The following PRICKLE2 variants were observed in gnomAD, a reference collection of about 807,000 sequenced individuals.
The protein encoded by PRICKLE2 is prickle-like protein 2.
A neutral mutation model predicts 81.4 loss-of-function variants in PRICKLE2; 21 were observed. That is an observed-to-expected ratio of 0.26 (90% confidence interval 0.18 to 0.37). The LOEUF is 0.37. PRICKLE2 is among the 10% of genes least tolerant of loss of function. The pLI, the probability that PRICKLE2 is intolerant of heterozygous loss-of-function variation, is 1.00. For synonymous variants in PRICKLE2, 456 were observed against 421.5 expected, an observed-to-expected ratio of 1.08 and a Z score of -1.00; for missense variants, 940 against 1,109.0, an observed-to-expected ratio of 0.85 and a Z score of 2.16.
At chr3:64,216,077 C>CATT (rs2078867576) in intron 1 of PRICKLE2, among the ~76,000 whole-genome samples, 1 of 152,242 alleles carries the variant, frequency 6.6e-6, no homozygotes, top group Non-Finnish European at 1.5e-5. Flanking sequence ...CAGGGTTTAA[C>CATT]ATTAGCTCCT....
intron 7 of PRICKLE2, chr3:64,101,787 C>A (rs566411102): frequency 2.0e-5 from 3 of 152,264 alleles, no homozygotes; most frequent in South Asian, 4.2e-4. Flanking sequence ...ACACAAGAAT[C>A]AAAAAGTGTG....
intron 2 of PRICKLE2, among the ~76,000 whole-genome samples, chr3:64,179,912 T>C (rs1238923825): frequency 6.6e-6 from 1 of 152,192 alleles, no homozygotes; most frequent in East Asian, 1.9e-4. Flanking sequence ...CTCCCAAAAC[T>C]AGTCAAAGGA....
chr3:64,208,405 T>C (rs1011930870), intron 1 of PRICKLE2, among the ~76,000 whole-genome samples: 1 of 152,034 alleles, frequency 6.6e-6, no homozygotes, highest in Admixed American at 6.6e-5. Flanking sequence ...ACCTTATACA[T>C]CCCTCGCAAA....
intron 1 of PRICKLE2, 107 bp from the exon 2 acceptor site, chr3:64,199,074 T>C (rs2078518445): frequency 4.0e-6 from 4 of 1,005,852 alleles, no homozygotes; most frequent in Non-Finnish European, 4.5e-6. Context: ...ACACATTCCT[T>C]GGCAATGGGC....
intron 6 of PRICKLE2, among the ~76,000 whole-genome samples, chr3:64,150,251 T>A (rs755323340): frequency 1.3e-5 from 2 of 151,998 alleles, no homozygotes; most frequent in South Asian, 4.1e-4. Context: ...CTGACGGCCA[T>A]CTGCTTGGGT....
Position 64,225,143 on chromosome 3 carries a change from T to C in PRICKLE2, c.-274A>G. On this transcript the variant is annotated 5_prime_UTR_variant, in exon 1 of 8. Coordinates refer to ENST00000638394, the MANE Select transcript of PRICKLE2 (RefSeq NM_198859.4). ...ATTCCCTCAGGGAAAACAGCACTGC[T>C]GGATCCAGACTCTGCTGGGGAATTC... is the stretch of plus-strand genomic sequence containing the variant. 1.0e-6 allele frequency: 1 copy of C among 985,450 alleles called. No individual in the cohort carries two copies. The allele number at this position is 985,450 out of a possible 1,614,324, so 61.0% of individuals were successfully genotyped here.
intron 2 of PRICKLE2, among the ~76,000 whole-genome samples, chr3:64,233,479 G>A (rs1391527843): frequency 6.6e-6 from 1 of 152,136 alleles, no homozygotes. Context: ...AAACATGCCA[G>A]GCACATGTGT....
chr3:64,245,042 T>C lies in PRICKLE2; in HGVS notation c.129-46075A>G, dbSNP rs1432533780. Among the ~76,000 whole-genome samples, 6 of 152,296 alleles carry C rather than the reference T, an allele frequency of 3.9e-5. No individual in the cohort carries two copies. The East Asian group carries it at 1.2e-3, about 29-fold the overall frequency. ...GGAATTAAGTTATTTAGCCACTTGT[T>C]GTCAATAGGGTAAATTATTACTAAT... On this transcript the variant is annotated intron_variant, in intron 2 of 8. Coordinates refer to the PRICKLE2 transcript ENST00000295902.
intron 2 of PRICKLE2, among the ~76,000 whole-genome samples, chr3:64,234,996 AG>A (rs1294001570): frequency 1.1e-4 from 16 of 152,262 alleles, no homozygotes; most frequent in African/African-American, 3.4e-4. Flanking sequence ...TACTTGTCCC[AG>A]TAAGCATATG....
At chr3:64,130,386 G>A (rs985661543) in intron 7 of PRICKLE2, among the ~76,000 whole-genome samples, 4 of 152,168 alleles carry the variant, frequency 2.6e-5, no homozygotes, top group Admixed American at 2.6e-4. Context: ...CGCGGCCACA[G>A]AGCCAGTAAT....
At chr3:64,178,142 T>C (rs114362585) in intron 2 of PRICKLE2, among the ~76,000 whole-genome samples, 275 of 152,330 alleles carry the variant, frequency 1.8e-3, no homozygotes, top group African/African-American at 6.4e-3. Flanking sequence ...TGCATTATAT[T>C]AATGACTAAT....
intron 7 of PRICKLE2, among the ~76,000 whole-genome samples, chr3:64,133,269 G>A (rs939614803): frequency 1.4e-4 from 22 of 152,114 alleles, no homozygotes; most frequent in African/African-American, 4.8e-4. Flanking sequence ...GGACATGTAC[G>A]GCTCATGGTT....
At chr3:64,258,903 G>T (rs1256565614) in intron 2 of PRICKLE2, among the ~76,000 whole-genome samples, 4 of 119,458 alleles carry the variant, frequency 3.3e-5, no homozygotes, top group Admixed American at 2.4e-4. Context: ...GAAATCAGGA[G>T]AGTGGTTAGA....
Position 64,099,548 on chromosome 3 carries a change from G to T in PRICKLE2, c.2038C>A (p.Arg680Ser), listed in dbSNP as rs779550133. The change falls in exon 8 of 8, where the codon CGC becomes AGC. Residue 680 changes from arginine to serine, a missense_variant. By Grantham distance (110) the Arg-to-Ser change is moderately radical. Around this residue, in one of 2 missense-constraint regions of PRICKLE2, gnomAD observed 670 missense variants for 717.2 expected, o/e 0.93. Coordinates refer to ENST00000638394, the MANE Select transcript of PRICKLE2 (RefSeq NM_198859.4). This position sits in a 1 kb window ranked among gnomAD's most constrained non-coding sequence, Gnocchi z 4.3. ...CTGGACCTGTGAGGTCGGAAACGGC[G>T]GTTGTCGTCGCGTGAAGTAGCTCTT... The part of the protein sequence containing the change: ...RRRATSRDDN[R>S]RFRPHRSRRS... 1 of 1,609,836 alleles carries T rather than the reference G, an allele frequency of 6.2e-7. No individual in the cohort carries two copies. Among genetic ancestry groups the T allele is most frequent in the East Asian group, 2.2e-5 (1 of 44,776 alleles).
chr3:64,176,737 T>A (rs2078028978), intron 2 of PRICKLE2, among the ~76,000 whole-genome samples: 1 of 152,172 alleles, frequency 6.6e-6, no homozygotes, highest in Non-Finnish European at 1.5e-5. Flanking sequence ...AATATGAAAA[T>A]GAAGGAACTC....
In PRICKLE2 at chr3:64,141,773, G is replaced by A. The variant is rs552028221; in HGVS notation, c.1660+5057C>T. 7.1e-6 allele frequency: 7 copies of A among 982,980 alleles called. No individual in the cohort carries two copies. In the South Asian group the frequency reaches 3.3e-4, roughly 46 times the overall value. The allele number at this position is 982,980 out of a possible 1,614,324, so 60.9% of individuals were successfully genotyped here. On this transcript the variant is annotated intron_variant, in intron 7 of 7. Coordinates refer to ENST00000638394, the MANE Select transcript of PRICKLE2 (RefSeq NM_198859.4). ...TTTCAGATCTGTTCTGAGGAAAAAT[G>A]CTGCCCACAGAAAGATCACACTTCA...
intron 2 of PRICKLE2, among the ~76,000 whole-genome samples, chr3:64,265,406 A>G (rs17070278): frequency 0.011 from 1,628 of 152,310 alleles, 29 homozygotes; most frequent in African/African-American, 0.036. Context: ...TGACATCAGA[A>G]TATCGCACAG....
chr3:64,227,379 G>A (rs1031114958), upstream of PRICKLE2, among the ~76,000 whole-genome samples: 3 of 152,060 alleles, frequency 2.0e-5, no homozygotes, highest in South Asian at 2.1e-4. Context: ...GTGTGGCCAC[G>A]AACAAGTCAC....
At position 64,147,339 on chromosome 3, in the gene PRICKLE2, T is replaced by A; in HGVS notation, c.1151A>T (p.Gln384Leu). 1 of 1,614,184 alleles carries A rather than the reference T, an allele frequency of 6.2e-7. No homozygotes were observed. The change falls in exon 7 of 8, where the codon CAG (glutamine) becomes CTG (leucine). Residue 384 changes from glutamine (Q) to leucine (L), a missense_variant. By Grantham distance (113) the Gln-to-Leu change is moderately radical (BLOSUM62 -2). Transcript: ENST00000638394. The surrounding 1 kb of genome is among the most constrained non-coding windows in gnomAD (Gnocchi z 5.0). ...LQMDMLSLSS[Q>L]TPSLNRDPIW... ...GGGGTCCCGGTTGAGGCTGGGTGTC[T>A]GGCTGGACAGGCTGAGCATGTCCAT...
Sources: allele counts gnomAD v4.1 joint callset (sites outside exome capture counted in the v4.1 genomes callset), GRCh38; gene constraint gnomAD v4.1.1; regional missense constraint gnomAD v4.1.1; non-coding constraint Gnocchi (gnomAD v3.1); transcripts MANE v1.5; gene names NCBI Gene and HGNC (gene_info 2026-07-23, HGNC 2026-07-21).